The following DMXL2 variants were observed in gnomAD, a reference collection of about 807,000 sequenced individuals.
The protein encoded by DMXL2 is Dmx like 2, also known as dmX-like protein 2.
In DMXL2, 103 loss-of-function variants were observed where a neutral mutation model predicts 331.1. The ratio of observed to expected loss-of-function variants is 0.31; its 90% confidence interval spans 0.27 to 0.37. The LOEUF (loss-of-function observed/expected upper bound fraction) is 0.37, where lower values mean the gene tolerates loss of function less well. Among genes scored for constraint, DMXL2 ranks in the 10% least tolerant of loss-of-function variants. The pLI is 1.00. For missense variants in DMXL2, 3,171 were observed against 3,642.9 expected, an observed-to-expected ratio of 0.87 and a Z score of 3.33; for synonymous variants, 1,281 against 1,252.1, an observed-to-expected ratio of 1.02 and a Z score of -0.49.
At chr15:51,602,528 C>A (rs2053297746) in intron 1 of DMXL2, among the ~76,000 whole-genome samples, 1 of 152,004 alleles carries the variant, frequency 6.6e-6, no homozygotes, top group Admixed American at 6.6e-5. Context: ...CAGAAAGTAC[C>A]AGGAAAGTCA....
intron 1 of DMXL2, among the ~76,000 whole-genome samples, chr15:51,581,115 C>CCTCA (rs1164766964): frequency 1.3e-5 from 2 of 152,114 alleles, no homozygotes; most frequent in East Asian, 3.9e-4. Context: ...AGGAACTGGG[C>CCTCA]CTCACAGCAG....
At chr15:51,456,264 C>T (rs761288719) in intron 38 of DMXL2, 45 bp downstream of exon 38, 2 of 1,596,358 alleles carry the variant, frequency 1.3e-6, no homozygotes, top group South Asian at 2.3e-5. Flanking sequence ...TATAAATCAA[C>T]CTCCAAATGA....
rs536113041 is a variant in DMXL2 at position 51,572,222 on chromosome 15, A to G, written c.214-3664T>C. ...AATTCCTGGACACATACACCCTCCCAATACTAAACCAGGAAGAAGTTGAAT... is the reference window on the plus strand; with the variant it reads ...AATTCCTGGACACATACACCCTCCCGATACTAAACCAGGAAGAAGTTGAAT... On this transcript the variant is annotated intron_variant, in intron 2 of 43. Transcript: ENST00000560891. 5.3e-4 allele frequency among the ~76,000 whole-genome samples: 70 copies of G among 132,880 alleles called. 3 individuals are homozygous for G. Among genetic ancestry groups the G allele is most frequent in the African/African-American group, 1.8e-3 (67 of 38,176 alleles). 87.2% of individuals were successfully genotyped at this position (132,880 alleles called of 152,430 possible).
chr15:51,613,461 CT>C (rs1224292913), intron 1 of DMXL2, among the ~76,000 whole-genome samples: 1 of 152,152 alleles, frequency 6.6e-6, no homozygotes, highest in Admixed American at 6.5e-5. Flanking sequence ...ACACCAAGTC[CT>C]CTTATACAAC....
chr15:51,588,304 C>A (rs577975187), intron 1 of DMXL2, among the ~76,000 whole-genome samples: 20 of 152,034 alleles, frequency 1.3e-4, no homozygotes, highest in Non-Finnish European at 2.5e-4. Context: ...ACCACAGGTG[C>A]AAGCACCACA....
chr15:51,535,731 G>T lies in DMXL2; in HGVS notation c.2368C>A (p.Leu790Met), dbSNP rs367800734. The change falls in exon 13 of 44, where the codon CTG (leucine) becomes ATG (methionine). Residue 790 changes from leucine to methionine, a missense_variant. Coordinates refer to ENST00000560891, the MANE Select transcript of DMXL2 (RefSeq NM_001378457.1). The stretch of plus-strand genomic sequence containing the variant: ...TCCACTACAGCTTGATAGAGTCTCA[G>T]ATTTTTGCCATCAGAAGCAACAAAG... ...ACFVASDGKNLRLYQAVVDAR... is the reference protein window; with the variant it reads ...ACFVASDGKNMRLYQAVVDAR... 4 of 1,609,876 alleles carry T rather than the reference G, an allele frequency of 2.5e-6. No individual in the cohort carries two copies. Among genetic ancestry groups the T allele is most frequent in the Non-Finnish European group, 3.4e-6 (4 of 1,177,944 alleles).
intron 2 of DMXL2, among the ~76,000 whole-genome samples, chr15:51,575,408 T>A (rs28393906): frequency 0.47 from 72,018 of 151,966 alleles, 17,473 homozygotes; most frequent in Non-Finnish European, 0.52. Context: ...TCAACTCGGC[T>A]ACATAATACT....
chr15:51,614,103 C>T (rs998587427), intron 1 of DMXL2, among the ~76,000 whole-genome samples: 6 of 152,130 alleles, frequency 3.9e-5, no homozygotes, highest in African/African-American at 1.4e-4. Flanking sequence ...CCCTATAAGA[C>T]TAGCGTCCCT....
intron 42 of DMXL2, chr15:51,450,554 T>G: frequency 1.2e-5 from 7 of 562,384 alleles, no homozygotes; most frequent in South Asian, 1.2e-4. Flanking sequence ...ATCCATAATC[T>G]CAATATGAAA....
chr15:51,542,583 A>G, intron 8 of DMXL2, 76 bp from the exon 9 acceptor site: 1 of 1,119,790 alleles, frequency 8.9e-7, no homozygotes, highest in Non-Finnish European at 1.2e-6. Flanking sequence ...CTTAATTATT[A>G]AGAGGTTTAA....
chr15:51,514,708 C>G (rs1268809905), intron 14 of DMXL2, 149 bp from the exon 15 acceptor site: 1 of 575,836 alleles, frequency 1.7e-6, no homozygotes, highest in Non-Finnish European at 3.0e-6. Context: ...AAAAAAGCAA[C>G]AGAAGAGAAT....
At chr15:51,534,950 T>G (rs2048203939) in intron 13 of DMXL2, among the ~76,000 whole-genome samples, 1 of 152,042 alleles carries the variant, frequency 6.6e-6, no homozygotes. Flanking sequence ...CTTAGACTCC[T>G]CTTCTTATGT....
At chr15:51,562,115 T>C (rs906737550) in intron 6 of DMXL2, among the ~76,000 whole-genome samples, 21 of 152,156 alleles carry the variant, frequency 1.4e-4, no homozygotes, top group African/African-American at 5.1e-4. Context: ...ACTAGAAGAT[T>C]TGAAATGTTA....
chr15:51,481,255 C>T lies in DMXL2; in HGVS notation c.5851G>A (p.Glu1951Lys), dbSNP rs754466202. The T allele has an allele frequency of 1.9e-6, 3 of 1,613,834 alleles. No individual in the cohort carries two copies. Among genetic ancestry groups the T allele is most frequent in the Non-Finnish European group, 2.5e-6 (3 of 1,179,886 alleles). Residue 1951 changes from glutamate to lysine, a missense_variant, in exon 24 of 44, where the codon GAA becomes AAA. Around this residue, in one of 7 missense-constraint regions of DMXL2, gnomAD observed 244 missense variants for 251.4 expected, o/e 0.97. Transcript: ENST00000560891. ...TGTGATGAAGTTACATTTGACCATTCAATGCCAGAACTTCCATTGCCATCA... is the reference window on the plus strand; with the variant it reads ...TGTGATGAAGTTACATTTGACCATTTAATGCCAGAACTTCCATTGCCATCA... ...LSDGNGSSGI[E>K]WSNVTSSQYD... is the part of the protein sequence containing the mutation.
intron 1 of DMXL2, among the ~76,000 whole-genome samples, chr15:51,580,634 GC>G (rs2051344054): frequency 6.6e-6 from 1 of 152,102 alleles, no homozygotes; most frequent in Non-Finnish European, 1.5e-5. Context: ...CACAGAGAAG[GC>G]CCAAGAAAAG....
chr15:51,620,025 AGCTT>A (rs1317087981), intron 1 of DMXL2, among the ~76,000 whole-genome samples: 2 of 152,136 alleles, frequency 1.3e-5, no homozygotes, highest in Non-Finnish European at 2.9e-5. Flanking sequence ...CATGAAGAGG[AGCTT>A]GCTTTTTATT....
At chr15:51,599,365 G>T (rs4775958) in intron 1 of DMXL2, among the ~76,000 whole-genome samples, 184 of 152,086 alleles carry the variant, frequency 1.2e-3, no homozygotes, top group African/African-American at 4.1e-3. Context: ...ACTGCTTCTA[G>T]GCCTCTCAGC....
At chr15:51,523,257 G>A (rs1439445833) in intron 13 of DMXL2, among the ~76,000 whole-genome samples, 2 of 152,212 alleles carry the variant, frequency 1.3e-5, no homozygotes, top group African/African-American at 2.4e-5. Context: ...AAGTAGTCAT[G>A]TCATCTTAAG....
At chr15:51,545,862 G>T in intron 7 of DMXL2, 96 bp from the exon 8 acceptor site, 1 of 954,706 alleles carries the variant, frequency 1.0e-6, no homozygotes, top group African/African-American at 1.6e-5. Context: ...TAACATTAGT[G>T]CAAAACACTA....
Sources: allele counts gnomAD v4.1 joint callset (sites outside exome capture counted in the v4.1 genomes callset), GRCh38; gene constraint gnomAD v4.1.1; regional missense constraint gnomAD v4.1.1; transcripts MANE v1.5; gene names NCBI Gene and HGNC (gene_info 2026-07-23, HGNC 2026-07-21).